ANK2: variants seen among roughly 807,000 people sequenced by gnomAD.
The protein encoded by ANK2 is ankyrin-2.
A neutral mutation model predicts 360.5 loss-of-function variants in ANK2; 83 were observed. The observed-to-expected ratio is 0.23, with a 90% CI of 0.19 to 0.28. The LOEUF (loss-of-function observed/expected upper bound fraction) is 0.28, where lower values mean the gene tolerates loss of function less well. ANK2 is among the 10% of genes least tolerant of loss of function. ANK2 has a pLI of 1.00. For synonymous variants in ANK2, 1,740 were observed against 1,759.5 expected (o/e 0.99, Z 0.28); for missense variants, 4,201 against 4,795.7 (o/e 0.88, Z 3.66).
intron 26 of ANK2, among the ~76,000 whole-genome samples, chr4:113,325,210 AGT>A (rs2089117183): frequency 6.6e-6 from 1 of 152,206 alleles, no homozygotes; most frequent in Non-Finnish European, 1.5e-5. Flanking sequence ...TGTTTAGTGC[AGT>A]GTGTGTACAC....
chr4:113,062,114 G>A (rs911369835), intron 1 of ANK2, among the ~76,000 whole-genome samples: 5 of 151,812 alleles, frequency 3.3e-5, no homozygotes, highest in Admixed American at 1.3e-4. Context: ...CCCTGTACAG[G>A]GTTTGGATTC....
intron 1 of ANK2, among the ~76,000 whole-genome samples, chr4:112,864,388 C>T (rs1441855337): frequency 1.3e-5 from 2 of 152,138 alleles, no homozygotes; most frequent in Non-Finnish European, 2.9e-5. Flanking sequence ...CAGCTCTATG[C>T]AATCTCCGCC....
At chr4:112,813,877 T>C (rs1041727939), upstream of ANK2, among the ~76,000 whole-genome samples, 15 of 152,338 alleles carry the variant, frequency 9.8e-5, no homozygotes, top group African/African-American at 3.4e-4. Flanking sequence ...CTGACAAGAA[T>C]GCAGTATGAA....
At chr4:113,239,563 T>A (rs2099408896) in intron 7 of ANK2, among the ~76,000 whole-genome samples, 1 of 152,110 alleles carries the variant, frequency 6.6e-6, no homozygotes, top group African/African-American at 2.4e-5. Context: ...TAAGAAAAAT[T>A]ATTAGATCTT....
chr4:112,854,733 T>G (rs908369825), intron 1 of ANK2, among the ~76,000 whole-genome samples: 1 of 152,108 alleles, frequency 6.6e-6, no homozygotes, highest in Admixed American at 6.5e-5. Flanking sequence ...AGGAAAACAT[T>G]ATAATGAGTT....
In ANK2 at chr4:113,311,334, C is replaced by T. The variant is rs868398694; in HGVS notation, c.2628C>T (p.Pro876=). The T allele has an allele frequency of 1.9e-6, 3 of 1,613,958 alleles. No individual in the cohort carries two copies. Among genetic ancestry groups the T allele is most frequent in the Middle Eastern group, 1.6e-4 (1 of 6,082 alleles). ...AAGAACTGGGTGATGACTCACTACCCAGCAGTCAGTTCCTGGATGGTATGA... is the reference window on the plus strand; with the variant it reads ...AAGAACTGGGTGATGACTCACTACCTAGCAGTCAGTTCCTGGATGGTATGA... ...DLKELGDDSL[P]SSQFLDGMNY... Residue 876 remains proline (P), a synonymous_variant, in exon 24 of 46, where the codon CCC becomes CCT. Coordinates refer to ENST00000357077, the MANE Select transcript of ANK2 (RefSeq NM_001148.6).
chr4:113,066,037 A>T (rs1308181848), intron 1 of ANK2, among the ~76,000 whole-genome samples: 2 of 152,246 alleles, frequency 1.3e-5, no homozygotes, highest in African/African-American at 2.4e-5. Context: ...AAACAAAAAA[A>T]GTAGTTGAAA....
chr4:113,156,040 T>A (rs2097275412), intron 1 of ANK2, among the ~76,000 whole-genome samples: 1 of 152,232 alleles, frequency 6.6e-6, no homozygotes, highest in Admixed American at 6.5e-5. Flanking sequence ...CTACATTCTT[T>A]GACACTGTTA....
At chr4:113,281,916 A>G (rs1563396474) in intron 17 of ANK2, among the ~76,000 whole-genome samples, 1 of 152,228 alleles carries the variant, frequency 6.6e-6, no homozygotes, top group Non-Finnish European at 1.5e-5. Flanking sequence ...CACAAGATTC[A>G]TATAAGCTAA....
intron 2 of ANK2, among the ~76,000 whole-genome samples, chr4:113,188,815 C>T (rs1344084776): frequency 6.6e-6 from 1 of 152,132 alleles, no homozygotes; most frequent in East Asian, 1.9e-4. Flanking sequence ...GAGTGAATGT[C>T]TCCTGATTTT....
At chr4:112,974,931 A>G (rs2040856712) in intron 2 of ANK2, among the ~76,000 whole-genome samples, 1 of 152,202 alleles carries the variant, frequency 6.6e-6, no homozygotes, top group Admixed American at 6.5e-5. Context: ...AGAAAATGAC[A>G]TAGAAAGGAA....
chr4:112,799,108 G>A, the ANK2 span, among the ~76,000 whole-genome samples: 34,359 of 152,050 alleles, frequency 0.23, 4,273 homozygotes, highest in East Asian at 0.53. Context: ...TTAGTATAAC[G>A]TCTTCAAGAT....
At chr4:113,365,575 A>G (rs1017171848) in intron 41 of ANK2, among the ~76,000 whole-genome samples, 17 of 151,912 alleles carry the variant, frequency 1.1e-4, no homozygotes, top group Admixed American at 9.8e-4. Flanking sequence ...ACAGTGCTTC[A>G]TACCCTCGGG....
chr4:112,766,537 G>T, the ANK2 span, among the ~76,000 whole-genome samples: 1 of 152,038 alleles, frequency 6.6e-6, no homozygotes, highest in Non-Finnish European at 1.5e-5. Context: ...GGGTCAAGTG[G>T]TATTATCTAT....
At chr4:112,772,263 A>G in the ANK2 span, among the ~76,000 whole-genome samples, 3 of 152,316 alleles carry the variant, frequency 2.0e-5, no homozygotes, top group East Asian at 5.8e-4. Flanking sequence ...CAGACAAGAG[A>G]GAATGAGGAC....
chr4:112,725,580 GAAC>G, the ANK2 span, among the ~76,000 whole-genome samples: 1 of 151,788 alleles, frequency 6.6e-6, no homozygotes, highest in African/African-American at 2.4e-5. Context: ...GGCTGGTCTT[GAAC>G]TCCTGACCTC....
chr4:113,052,920 G>A (rs769772300), intron 1 of ANK2, among the ~76,000 whole-genome samples: 16 of 152,166 alleles, frequency 1.1e-4, no homozygotes, highest in Admixed American at 2.6e-4. Flanking sequence ...CTACGATTGT[G>A]TATCCCAGTA....
chr4:113,069,569 AC>A (rs2076823918), intron 1 of ANK2, among the ~76,000 whole-genome samples: 1 of 152,252 alleles, frequency 6.6e-6, no homozygotes, highest in Admixed American at 6.5e-5. Flanking sequence ...GCTATCTGAT[AC>A]CTTAAATGGA....
chr4:112,793,888 T>G, the ANK2 span, among the ~76,000 whole-genome samples: 22 of 152,040 alleles, frequency 1.4e-4, no homozygotes, highest in African/African-American at 5.3e-4. Context: ...TTGGTAGAGA[T>G]GGGGTTTCAC....
Sources: gnomAD v4.1 joint callset for allele counts (sites outside exome capture counted in the v4.1 genomes callset) on GRCh38, gnomAD v4.1.1 for gene constraint, MANE v1.5 for transcripts, NCBI Gene and HGNC (gene_info 2026-07-23, HGNC 2026-07-21) for gene names.